Variants in FRMD4A observed in about 807,000 individuals in gnomAD.
FRMD4A encodes FERM domain-containing protein 4A.
A neutral mutation model predicts 129.1 loss-of-function variants in FRMD4A; 29 were observed. The observed-to-expected ratio is 0.22, with a 90% CI of 0.17 to 0.31. The LOEUF is 0.31. FRMD4A is among the 10% of genes least tolerant of loss of function. The pLI is 1.00. For missense variants in FRMD4A, 1,272 were observed against 1,375.8 expected (o/e 0.92, Z 1.19); for synonymous variants, 634 against 571.6 (o/e 1.11, Z -1.56).
chr10:13,994,454 G>A (rs533594717), intron 2 of FRMD4A, among the ~76,000 whole-genome samples: 6 of 152,164 alleles, frequency 3.9e-5, no homozygotes, highest in African/African-American at 1.4e-4. Flanking sequence ...TGGGATTACA[G>A]GTGTAAGCCA....
chr10:14,106,723 T>A (rs1196873424), intron 2 of FRMD4A, among the ~76,000 whole-genome samples: 1 of 152,210 alleles, frequency 6.6e-6, no homozygotes, highest in African/African-American at 2.4e-5. Flanking sequence ...TCATTTCAGA[T>A]TTTTTTAAAA....
chr10:14,024,914 C>G (rs76774631), intron 2 of FRMD4A, among the ~76,000 whole-genome samples: 70 of 152,350 alleles, frequency 4.6e-4, no homozygotes, highest in African/African-American at 1.6e-3. Context: ...GCTAAACACA[C>G]TGGAGTGTAT....
chr10:13,745,735 G>A (rs2091256313), intron 9 of FRMD4A, among the ~76,000 whole-genome samples: 1 of 152,192 alleles, frequency 6.6e-6, no homozygotes, highest in Admixed American at 6.5e-5. Context: ...ATGACTAAGA[G>A]ACCCACAACA....
At position 13,774,954 on chromosome 10, in the gene FRMD4A, A is replaced by AG. The variant is rs1033782516; in HGVS notation, c.384+7967_384+7968insC. Among the ~76,000 whole-genome samples, 3 of 133,772 alleles carry AG rather than the reference A, an allele frequency of 2.2e-5. No individual in the cohort carries two copies. In the Admixed American group the frequency reaches 2.5e-4, roughly 11 times the overall value. The allele number at this position is 133,772 out of a possible 152,430, so 87.8% of individuals were successfully genotyped here. A position where few individuals can be genotyped will look rare whatever the true frequency, so the allele number is the denominator to read the frequency against. The stretch of plus-strand genomic sequence containing the variant: ...AAGAAACTCTTAGAAATTTAAGAAA[A>AG]AAAAAAACAACAAAAAACAAAACCA... On this transcript the variant is annotated intron_variant, in intron 6 of 24. Coordinates refer to ENST00000357447, the MANE Select transcript of FRMD4A (RefSeq NM_018027.5).
chr10:14,204,662 T>A (rs1266506095), intron 2 of FRMD4A, among the ~76,000 whole-genome samples: 7 of 151,986 alleles, frequency 4.6e-5, no homozygotes, highest in Non-Finnish European at 1.0e-4. Flanking sequence ...GACCCTCTCT[T>A]TTTCTTCCTA....
At chr10:14,235,306 G>A (rs1342105132) in intron 2 of FRMD4A, among the ~76,000 whole-genome samples, 1 of 141,140 alleles carries the variant, frequency 7.1e-6, no homozygotes, top group Non-Finnish European at 1.6e-5. Flanking sequence ...CCGCCACCAT[G>A]CCCAGCTAAT....
chr10:13,824,894 C>CAA (rs1165591899), intron 3 of FRMD4A, among the ~76,000 whole-genome samples: 162 of 53,048 alleles, frequency 3.1e-3, no homozygotes, highest in Non-Finnish European at 3.8e-3. Context: ...GACTCTGTCT[C>CAA]AAAAAAAAAA....
At chr10:14,022,962 C>T (rs1449881917) in intron 2 of FRMD4A, among the ~76,000 whole-genome samples, 1 of 152,158 alleles carries the variant, frequency 6.6e-6, no homozygotes, top group East Asian at 1.9e-4. Flanking sequence ...ACCAAACTCA[C>T]ACCAACACTT....
intron 2 of FRMD4A, among the ~76,000 whole-genome samples, chr10:14,311,236 G>A (rs548758476): frequency 3.9e-5 from 6 of 152,104 alleles, no homozygotes; most frequent in East Asian, 1.9e-4. Context: ...CCCCACCATC[G>A]CAGTCCCTAA....
At chr10:14,008,556 A>C in intron 2 of FRMD4A, 2 of 968,508 alleles carry the variant, frequency 2.1e-6, no homozygotes, top group Non-Finnish European at 2.5e-6. Context: ...CAGTTGTCTA[A>C]TCAAAGCTCT....
intron 5 of FRMD4A, 24 bp downstream of exon 5, chr10:13,796,472 A>C: frequency 8.7e-7 from 1 of 1,145,224 alleles, no homozygotes; most frequent in East Asian, 2.3e-5. Flanking sequence ...AAGAAGCAAA[A>C]GTATAGACAC....
At chr10:13,859,946 C>T (rs2094270605) in intron 2 of FRMD4A, among the ~76,000 whole-genome samples, 1 of 152,194 alleles carries the variant, frequency 6.6e-6, no homozygotes, top group South Asian at 2.1e-4. Flanking sequence ...TACCGTTCGT[C>T]TCCATGCCCC....
rs531944082 is a variant in FRMD4A at position 14,188,965 on chromosome 10, A to C, written c.45+141093T>G. ...ACTCCTTTCTGGGAAGCTTTCCCTG[A>C]GCAACCCAGCTCACCTCTGTTTGTC... On this transcript the variant is annotated intron_variant, in intron 2 of 24. Coordinates refer to ENST00000357447, the MANE Select transcript of FRMD4A (RefSeq NM_018027.5). Among the ~76,000 whole-genome samples the C allele has an allele frequency of 2.0e-4, 31 of 152,330 alleles. 1 individual carries two copies. In the South Asian group the frequency reaches 5.6e-3, roughly 27 times the overall value.
intron 2 of FRMD4A, among the ~76,000 whole-genome samples, chr10:13,904,650 T>C (rs922274822): frequency 2.6e-5 from 4 of 152,184 alleles, no homozygotes; most frequent in Non-Finnish European, 5.9e-5. Context: ...CCAAGCATTG[T>C]GATCAGAACC....
intron 2 of FRMD4A, among the ~76,000 whole-genome samples, chr10:14,051,435 C>T (rs577562961): frequency 2.6e-5 from 4 of 152,290 alleles, no homozygotes; most frequent in African/African-American, 9.6e-5. Context: ...GAGAGAATCA[C>T]GTTCCATAAG....
chr10:13,924,312 A>G (rs2095105692), intron 2 of FRMD4A, among the ~76,000 whole-genome samples: 1 of 152,142 alleles, frequency 6.6e-6, no homozygotes, highest in South Asian at 2.1e-4. Flanking sequence ...TCTAATTAAG[A>G]GTAAAAGCCA....
At chr10:13,705,523 T>C (rs1306697865) in intron 13 of FRMD4A, among the ~76,000 whole-genome samples, 4 of 152,208 alleles carry the variant, frequency 2.6e-5, no homozygotes, top group African/African-American at 9.6e-5. Context: ...CCTTTCTGCA[T>C]CTGACCCATT....
chr10:13,845,567 G>A (rs1046561975), intron 3 of FRMD4A, among the ~76,000 whole-genome samples: 1 of 152,104 alleles, frequency 6.6e-6, no homozygotes, highest in Non-Finnish European at 1.5e-5. Flanking sequence ...TTTTACACAC[G>A]AGGTAGCAAA....
intron 2 of FRMD4A, among the ~76,000 whole-genome samples, chr10:14,154,893 G>A (rs1167620837): frequency 3.3e-5 from 5 of 152,210 alleles, no homozygotes; most frequent in Admixed American, 6.5e-5. Context: ...GTCTTTCTTT[G>A]TTGGTCTGAA....
Sources: gnomAD v4.1 joint callset for allele counts (sites outside exome capture counted in the v4.1 genomes callset) on GRCh38, gnomAD v4.1.1 for gene constraint, MANE v1.5 for transcripts, NCBI Gene and HGNC (gene_info 2026-07-23, HGNC 2026-07-21) for gene names.